The following GABRA3 variants were observed in gnomAD, a reference collection of about 807,000 sequenced individuals.
GABRA3 encodes the protein gamma-aminobutyric acid receptor subunit alpha-3.
GABRA3 carries 10 observed loss-of-function variants against 30.1 expected under a neutral mutation model. That is an observed-to-expected ratio of 0.33 (90% CI 0.20 to 0.56). The LOEUF (loss-of-function observed/expected upper bound fraction) is 0.56. Among genes scored for constraint, GABRA3 ranks in the 20% least tolerant of loss-of-function variants. The probability of loss-of-function intolerance (pLI) is 0.89; values close to 1 mark genes in which losing one functional copy is unlikely to be tolerated. For missense variants in GABRA3, 233 were observed against 392.0 expected, an observed-to-expected ratio of 0.59 and a Z score of 3.42; for synonymous variants, 151 against 146.8, an observed-to-expected ratio of 1.03 and a Z score of -0.21.
chrX:152,317,253 T>C (rs1939892398), intron 3 of GABRA3, among the ~76,000 whole-genome samples: 1 of 111,702 alleles, frequency 9.0e-6, no homozygotes, highest in Admixed American at 9.5e-5. Context: ...AAAGGCCTTG[T>C]CCAAGAGTAA....
At chrX:152,430,971 C>A (rs752961366) in intron 1 of GABRA3, among the ~76,000 whole-genome samples, 5 of 108,238 alleles carry the variant, frequency 4.6e-5, no homozygotes, top group South Asian at 7.8e-4. Context: ...TGAAATAATT[C>A]AAAAAAAAAT....
At chrX:152,325,536 G>T (rs766172785) in intron 3 of GABRA3, among the ~76,000 whole-genome samples, 59 of 111,965 alleles carry the variant, frequency 5.3e-4, no homozygotes, top group Middle Eastern at 4.6e-3. Flanking sequence ...CTGCTGTTCT[G>T]CAATATTTGC....
At chrX:152,312,633 A>G (rs1421723873) in intron 3 of GABRA3, among the ~76,000 whole-genome samples, 1 of 112,131 alleles carries the variant, frequency 8.9e-6, no homozygotes, top group Admixed American at 9.5e-5. Flanking sequence ...AAATTGACAA[A>G]TAATACCTAA....
At chrX:152,297,201 T>A (rs986419502) in intron 3 of GABRA3, among the ~76,000 whole-genome samples, 1 of 111,852 alleles carries the variant, frequency 8.9e-6, no homozygotes. Flanking sequence ...ACTGCCTGTT[T>A]CCCAAAATTC....
chrX:152,256,098 TG>T, intron 4 of GABRA3, 100 bp from the exon 5 acceptor site: 1 of 581,897 alleles, frequency 1.7e-6, no homozygotes, highest in Non-Finnish European at 2.9e-6. Flanking sequence ...TTTCCTCTGA[TG>T]CAGAGAAGCA....
intron 5 of GABRA3, among the ~76,000 whole-genome samples, chrX:152,230,196 A>G (rs1938040531): frequency 8.9e-6 from 1 of 111,857 alleles, no homozygotes; most frequent in Admixed American, 9.5e-5. Flanking sequence ...TATATTAAAA[A>G]TCATTTAATT....
chrX:152,284,709 TG>T lies in GABRA3; in HGVS notation c.288del (p.Asp96GlufsTer4). On this transcript the variant is annotated frameshift_variant, in exon 4 of 10. Coordinates refer to ENST00000370314, the MANE Select transcript of GABRA3 (RefSeq NM_000808.4). LOFTEE classifies it high-confidence loss of function. The part of the protein sequence containing the change: ...LGDAVTEVKT[D>X]IYVTSFGPVS... Reference sequence around the variant, plus strand: ...ACAGGGCCAAAACTGGTCACGTAGATGTCAGTCTTCACTTCAGTCACTGCAT... The same window carrying T: ...ACAGGGCCAAAACTGGTCACGTAGATTCAGTCTTCACTTCAGTCACTGCAT... 1 of 1,193,243 alleles carries T rather than the reference TG, an allele frequency of 8.4e-7. No individual in the cohort carries two copies. Among genetic ancestry groups the T allele is most frequent in the Non-Finnish European group, 1.1e-6 (1 of 882,137 alleles).
At chrX:152,327,091 T>C (rs1215160374) in intron 3 of GABRA3, among the ~76,000 whole-genome samples, 1 of 107,240 alleles carries the variant, frequency 9.3e-6, no homozygotes, top group Non-Finnish European at 1.9e-5. Context: ...CCAACAAAGA[T>C]CAAGAGACAA....
At chrX:152,233,431 A>C (rs1938129584) in intron 5 of GABRA3, among the ~76,000 whole-genome samples, 1 of 110,217 alleles carries the variant, frequency 9.1e-6, no homozygotes, top group African/African-American at 3.3e-5. Context: ...ATGCAGCCAA[A>C]AAACACATGA....
chrX:152,182,189 T>C (rs1436936813), intron 9 of GABRA3, among the ~76,000 whole-genome samples: 4 of 108,857 alleles, frequency 3.7e-5, no homozygotes, highest in Admixed American at 1.0e-4. Flanking sequence ...CATATTTATA[T>C]ATTTACACAT....
intron 3 of GABRA3, among the ~76,000 whole-genome samples, chrX:152,292,847 G>T (rs1265041929): frequency 8.9e-6 from 1 of 111,748 alleles, no homozygotes; most frequent in African/African-American, 3.3e-5. Flanking sequence ...CAGTTTCCAC[G>T]TAGCTGTGCG....
rs1224935106 is a variant in GABRA3, at chrX:152,167,101, T to C, written c.*1127A>G. 8.9e-6 allele frequency: 1 copy of C among 111,902 alleles called. No individual in the cohort carries two copies. The highest frequency in any genetic ancestry group is 3.3e-5 in the African/African-American group (1 of 30,718). The allele number at this position is 111,902 out of a possible 1,213,427, so 9.2% of individuals were successfully genotyped here. A position where few individuals can be genotyped will look rare whatever the true frequency, so the allele number is the denominator to read the frequency against. On this transcript the variant is annotated 3_prime_UTR_variant, in exon 10 of 10. Transcript: ENST00000370314. ...ATATTTATTTGTATGAATTTCCAAT[T>C]CACCCCTCATAGAATCGGCATCAAC...
At chrX:152,350,402 A>G (rs1050079464) in intron 2 of GABRA3, among the ~76,000 whole-genome samples, 11 of 105,197 alleles carry the variant, frequency 1.0e-4, no homozygotes, top group Admixed American at 4.1e-4. Context: ...AAGAACTAGA[A>G]AAGCAAGAGC....
intron 3 of GABRA3, among the ~76,000 whole-genome samples, chrX:152,327,167 A>C (rs1000284515): frequency 3.1e-4 from 35 of 111,377 alleles, no homozygotes; most frequent in Non-Finnish European, 6.6e-4. Flanking sequence ...CTAAATATAT[A>C]TGCACCCAAT....
intron 7 of GABRA3, 101 bp from the exon 8 acceptor site, chrX:152,197,886 A>G (rs1016905720): frequency 1.5e-5 from 9 of 607,057 alleles, no homozygotes; most frequent in Middle Eastern, 4.7e-4. Context: ...CTTATATTCA[A>G]TATTCCAGCA....
intron 7 of GABRA3, among the ~76,000 whole-genome samples, chrX:152,199,114 C>G (rs776612158): frequency 1.2e-4 from 13 of 111,344 alleles, no homozygotes; most frequent in Admixed American, 3.8e-4. Context: ...TGCCTGTAAT[C>G]CCAGCACTTT....
intron 1 of GABRA3, among the ~76,000 whole-genome samples, chrX:152,371,373 T>C (rs758337952): frequency 1.5e-4 from 17 of 111,573 alleles, no homozygotes; most frequent in Non-Finnish European, 2.4e-4. Flanking sequence ...CCTACCAGAA[T>C]GTCAGCCATA....
intron 1 of GABRA3, among the ~76,000 whole-genome samples, chrX:152,369,030 C>T (rs981689841): frequency 1.8e-4 from 20 of 111,277 alleles, no homozygotes; most frequent in African/African-American, 6.5e-4. Context: ...TTTGAGAGAC[C>T]TCCACATTGT....
chrX:152,320,310 T>C (rs1939942289), intron 3 of GABRA3, among the ~76,000 whole-genome samples: 1 of 111,837 alleles, frequency 8.9e-6, no homozygotes, highest in African/African-American at 3.2e-5. Flanking sequence ...TGCAAAAATA[T>C]GGAACCAGCC....
Sources: allele counts gnomAD v4.1 joint callset (sites outside exome capture counted in the v4.1 genomes callset), GRCh38; gene constraint gnomAD v4.1.1; transcripts MANE v1.5; gene names NCBI Gene and HGNC (gene_info 2026-07-23, HGNC 2026-07-21).